The following AHSG variants were observed in gnomAD, a reference collection of about 807,000 sequenced individuals.
AHSG encodes the protein alpha-2-HS-glycoprotein.
Under a neutral mutation model 30.1 loss-of-function variants are expected in AHSG, and 23 were observed. The ratio of observed to expected loss-of-function variants is 0.76; its 90% CI spans 0.55 to 1.08. The LOEUF is 1.08. AHSG is among the 50% of genes least tolerant of loss of function. AHSG has a pLI of 0.00. For synonymous variants in AHSG, 164 were observed against 186.3 expected (o/e 0.88, Z 0.98); for missense variants, 469 against 459.5 (o/e 1.02, Z -0.19).
At chr3:186,617,109 G>T in intron 3 of AHSG, 78 bp from the exon 4 acceptor site, 31 of 1,547,450 alleles carry the variant, frequency 2.0e-5, no homozygotes, top group Non-Finnish European at 2.7e-5. Flanking sequence ...GAATGCCTTA[G>T]CCCTTGCTAA....
intron 2 of AHSG, 58 bp from the exon 3 acceptor site, chr3:186,616,384 AG>A (rs1716304726): frequency 1.4e-6 from 2 of 1,414,674 alleles, no homozygotes; most frequent in African/African-American, 2.8e-5. Context: ...GCCTGGAGGG[AG>A]CCTGCCCGGG....
At chr3:186,614,501 T>C (rs983545939) in intron 1 of AHSG, among the ~76,000 whole-genome samples, 2 of 152,216 alleles carry the variant, frequency 1.3e-5, no homozygotes, top group Non-Finnish European at 1.5e-5. Context: ...ACAAAATATT[T>C]GAAATCAGGA....
chr3:186,616,876 C>A (rs1163346922), intron 3 of AHSG, among the ~76,000 whole-genome samples: 1 of 152,138 alleles, frequency 6.6e-6, no homozygotes, highest in African/African-American at 2.4e-5. Flanking sequence ...GCAGGAGAAT[C>A]GCTTGAACCT....
Position 186,620,854 on chromosome 3 carries a change from T to G in AHSG, c.1028T>G (p.Val343Gly), listed in dbSNP as rs745775581. 1 of 1,614,154 alleles carries G rather than the reference T, an allele frequency of 6.2e-7. No individual in the cohort carries two copies. Among genetic ancestry groups the G allele is most frequent in the South Asian group, 1.1e-5 (1 of 91,082 alleles). ...VSHPRKTRTV[V>G]QPSVGAAAGP... is the part of the protein sequence containing the mutation. ...CACCCCCGGAAAACACGCACAGTGG[T>G]GCAGCCTAGTGTTGGTGCTGCTGCT... Residue 343 changes from valine to glycine, a missense_variant, in exon 7 of 7, where the codon GTG becomes GGG. Transcript: ENST00000411641.
At chr3:186,619,989 C>A (rs755020851) in intron 6 of AHSG, 49 bp downstream of exon 6, 9 of 1,434,966 alleles carry the variant, frequency 6.3e-6, no homozygotes, top group Non-Finnish European at 8.7e-6. Context: ...ATACAATGAC[C>A]CCTTCACATT....
chr3:186,621,121 T>C lies in AHSG; in HGVS notation c.*191T>C, dbSNP rs1166154055. On this transcript the variant is annotated 3_prime_UTR_variant, in exon 7 of 7. Coordinates refer to ENST00000411641, the MANE Select transcript of AHSG (RefSeq NM_001622.4). ...ACAGAAGCAGAGTGGGTGGTGGTTA[T>C]GTTTGACAGAAGGCATTAGGTTGAC... is the stretch of plus-strand genomic sequence containing the variant. The C allele has an allele frequency of 3.3e-6, 2 of 605,466 alleles. No individual in the cohort carries two copies. The highest frequency in any genetic ancestry group is 3.7e-5 in the African/African-American group (2 of 54,102). 37.5% of individuals were successfully genotyped at this position (605,466 alleles called of 1,614,324 possible).
chr3:186,618,941 C>G (rs1214195134), intron 5 of AHSG, among the ~76,000 whole-genome samples: 1 of 152,188 alleles, frequency 6.6e-6, no homozygotes, highest in African/African-American at 2.4e-5. Context: ...ACATATAACT[C>G]TGATACAAAA....
At position 186,621,010 on chromosome 3, in the gene AHSG, G is replaced by C; in HGVS notation, c.*80G>C. 1 of 1,401,536 alleles carries C rather than the reference G, an allele frequency of 7.1e-7. No homozygotes were observed. The allele number at this position is 1,401,536 out of a possible 1,614,324, so 86.8% of individuals were successfully genotyped here. A position where few individuals can be genotyped will look rare whatever the true frequency, so the allele number is the denominator to read the frequency against. On this transcript the variant is annotated 3_prime_UTR_variant, in exon 7 of 7. Transcript: ENST00000411641. ...GTCCAAGCCTGGGCATGGGTGGGGG[G>C]CCTTGTCTGCTGGCCACGCAAGTGT...
intron 1 of AHSG, 30 bp downstream of exon 1, chr3:186,613,384 A>G: frequency 6.3e-7 from 1 of 1,575,338 alleles, no homozygotes; most frequent in Non-Finnish European, 8.7e-7. Context: ...ATGAGCTGAA[A>G]TAATGTGTAC....
In AHSG at chr3:186,621,028, G is replaced by A. The variant is rs201163552; in HGVS notation, c.*98G>A. The A allele has an allele frequency of 2.5e-5, 29 of 1,172,808 alleles. No individual in the cohort carries two copies. Among genetic ancestry groups the A allele is most frequent in the East Asian group, 2.0e-4 (8 of 39,400 alleles). 72.7% of individuals were successfully genotyped at this position (1,172,808 alleles called of 1,614,324 possible). A position where few individuals can be genotyped will look rare whatever the true frequency, so the allele number is the denominator to read the frequency against. ...GTGGGGGGCCTTGTCTGCTGGCCAC[G>A]CAAGTGTCACATGCGATCTACATTA... On this transcript the variant is annotated 3_prime_UTR_variant, in exon 7 of 7. Transcript: ENST00000411641.
chr3:186,615,439 G>A (rs1435803978), intron 1 of AHSG, among the ~76,000 whole-genome samples: 2 of 152,220 alleles, frequency 1.3e-5, no homozygotes, highest in East Asian at 1.9e-4. Flanking sequence ...CCAGGACCCC[G>A]TCTGCTTTGC....
intron 1 of AHSG, among the ~76,000 whole-genome samples, chr3:186,614,885 G>A (rs1716249172): frequency 6.6e-6 from 1 of 152,166 alleles, no homozygotes; most frequent in South Asian, 2.1e-4. Flanking sequence ...AGGCATACTT[G>A]TACCTTCTGG....
intron 2 of AHSG, 26 bp downstream of exon 2, chr3:186,615,821 T>C (rs2108500566): frequency 6.3e-7 from 1 of 1,594,064 alleles, no homozygotes; most frequent in South Asian, 1.1e-5. Flanking sequence ...AGGATGACTG[T>C]AGGTGGCCCT....
In AHSG at chr3:186,615,780, G is replaced by T. The variant is rs1459810643; in HGVS notation, c.309G>T (p.Arg103Ser). Residue 103 changes from arginine (R) to serine (S), a missense_variant, in exon 2 of 7, where the codon AGG becomes AGT. Coordinates refer to ENST00000411641, the MANE Select transcript of AHSG (RefSeq NM_001622.4). ...CCCCTGTGGCAAGATGCAGCGTGAGGCAGCTGAAGGAGCATGTGAGTACCC... is the reference window on the plus strand; with the variant it reads ...CCCCTGTGGCAAGATGCAGCGTGAGTCAGCTGAAGGAGCATGTGAGTACCC... The part of the protein sequence containing the change: ...DPTPVARCSV[R>S]QLKEHAVEGD... The T allele has an allele frequency of 3.1e-5, 50 of 1,614,114 alleles. No individual in the cohort carries two copies. In the Admixed American group the frequency reaches 8.2e-4, roughly 26 times the overall value.
At position 186,621,081 on chromosome 3, in the gene AHSG, G is replaced by A. The variant is rs114086077; in HGVS notation, c.*151G>A. ...ATCAAGTCTTGACTCCCTACTTCCC[G>A]TCATTCCTCACAGGACAGAAGCAGA... On this transcript the variant is annotated 3_prime_UTR_variant, in exon 7 of 7. Coordinates refer to ENST00000411641, the MANE Select transcript of AHSG (RefSeq NM_001622.4). The A allele has an allele frequency of 2.9e-3, 2,094 of 729,132 alleles. 25 individuals carry two copies. The highest frequency in any genetic ancestry group is 0.024 in the African/African-American group (1,354 of 56,654). 45.2% of individuals were successfully genotyped at this position (729,132 alleles called of 1,614,324 possible). A position where few individuals can be genotyped will look rare whatever the true frequency, so the allele number is the denominator to read the frequency against.
In AHSG at chr3:186,621,270, A is replaced by G. The variant is rs1379126339; in HGVS notation, c.*340A>G. 7.8e-6 allele frequency: 2 copies of G among 255,932 alleles called. No homozygotes were observed. The highest frequency in any genetic ancestry group is 9.5e-5 in the Admixed American group (2 of 20,944). 15.9% of individuals were successfully genotyped at this position (255,932 alleles called of 1,614,324 possible). ...TTGCTAAGCTTATATGTGCCTGTTA[A>G]TGAAAGTGCCTGAAAGACCTTCCTT... On this transcript the variant is annotated 3_prime_UTR_variant, in exon 7 of 7. Transcript: ENST00000411641.
rs765176110 is a variant in AHSG, at chr3:186,621,064, T to C, written c.*134T>C. The C allele has an allele frequency of 1.2e-5, 10 of 828,756 alleles. No homozygotes were observed. The highest frequency in any genetic ancestry group is 1.9e-5 in the Non-Finnish European group (10 of 536,246). The allele number at this position is 828,756 out of a possible 1,614,324, so 51.3% of individuals were successfully genotyped here. A position where few individuals can be genotyped will look rare whatever the true frequency, so the allele number is the denominator to read the frequency against. ...ATGCGATCTACATTAATATCAAGTCTTGACTCCCTACTTCCCGTCATTCCT... is the reference window on the plus strand; with the variant it reads ...ATGCGATCTACATTAATATCAAGTCCTGACTCCCTACTTCCCGTCATTCCT... On this transcript the variant is annotated 3_prime_UTR_variant, in exon 7 of 7. Transcript: ENST00000411641.
chr3:186,613,931 C>T (rs200094623), intron 1 of AHSG, among the ~76,000 whole-genome samples: 3 of 139,000 alleles, frequency 2.2e-5, no homozygotes, highest in African/African-American at 8.8e-5. Context: ...TTGTTTTTGT[C>T]TTTTTTTTTT....
intron 3 of AHSG, 152 bp from the exon 4 acceptor site, chr3:186,617,035 C>G: frequency 6.8e-7 from 1 of 1,474,332 alleles, no homozygotes; most frequent in Non-Finnish European, 9.0e-7. Flanking sequence ...GCAGAAATGT[C>G]AGCATAGCAA....
Sources: gnomAD v4.1 joint callset for allele counts (sites outside exome capture counted in the v4.1 genomes callset) on GRCh38, gnomAD v4.1.1 for gene constraint, MANE v1.5 for transcripts, NCBI Gene and HGNC (gene_info 2026-07-23, HGNC 2026-07-21) for gene names.